DIS3L2: variants seen among roughly 807,000 people sequenced by gnomAD.
DIS3L2 encodes DIS3 like 3'-5' exoribonuclease 2, also known as DIS3-like exonuclease 2.
In DIS3L2, 34 loss-of-function variants were observed where a neutral mutation model predicts 97.5. The ratio of observed to expected loss-of-function variants is 0.35; its 90% CI spans 0.27 to 0.46. DIS3L2 has a LOEUF of 0.46. Among genes scored for constraint, DIS3L2 ranks in the 20% least tolerant of loss-of-function variants. DIS3L2 has a pLI of 1.00. For synonymous variants in DIS3L2, 435 were observed against 445.2 expected (o/e 0.98, Z 0.29); for missense variants, 1,038 against 1,146.0 (o/e 0.91, Z 1.36).
intron 5 of DIS3L2, among the ~76,000 whole-genome samples, chr2:232,070,201 G>T (rs532490880): frequency 6.6e-6 from 1 of 152,306 alleles, no homozygotes; most frequent in East Asian, 1.9e-4. Flanking sequence ...TAGGGGCGGA[G>T]GTTGCAGTGA....
Position 232,333,028 on chromosome 2 carries a change from T to C in DIS3L2, c.2011-812T>C, listed in dbSNP as rs576597982. ...AACAAAGACCCACAGGCTCCTTGGC[T>C]TCTGCTTGTGTCTCCAGCAGACAGC... On this transcript the variant is annotated intron_variant, in intron 16 of 20. Coordinates refer to ENST00000325385, the MANE Select transcript of DIS3L2 (RefSeq NM_152383.5). 2.5e-3 allele frequency among the ~76,000 whole-genome samples: 378 copies of C among 151,992 alleles called. 1 individual carries two copies. Among genetic ancestry groups the C allele is most frequent in the Non-Finnish European group, 4.4e-3 (298 of 67,952 alleles).
At chr2:232,012,137 T>C (rs11695423) in intron 1 of DIS3L2, among the ~76,000 whole-genome samples, 2,211 of 152,316 alleles carry the variant, frequency 0.015, 23 homozygotes, top group Non-Finnish European at 0.021. Flanking sequence ...AGTAGTTTCC[T>C]GGTATGACCC....
At chr2:232,185,867 G>C (rs1691416983) in intron 9 of DIS3L2, among the ~76,000 whole-genome samples, 2 of 138,210 alleles carry the variant, frequency 1.4e-5, no homozygotes, top group Admixed American at 1.4e-4. Context: ...AAAAAAAAAA[G>C]CACGATATGC....
intron 13 of DIS3L2, among the ~76,000 whole-genome samples, chr2:232,285,616 A>G (rs2106306036): frequency 6.6e-6 from 1 of 152,332 alleles, no homozygotes; most frequent in South Asian, 2.1e-4. Context: ...CCCAGTAGGA[A>G]ATGCCAAGAC....
At chr2:232,280,354 T>G (rs1268031800) in intron 13 of DIS3L2, among the ~76,000 whole-genome samples, 1 of 152,170 alleles carries the variant, frequency 6.6e-6, no homozygotes, top group African/African-American at 2.4e-5. Flanking sequence ...AAACTGAAGA[T>G]TGTATCATTT....
At chr2:232,081,952 G>C (rs980933634) in intron 5 of DIS3L2, among the ~76,000 whole-genome samples, 2 of 152,158 alleles carry the variant, frequency 1.3e-5, no homozygotes, top group African/African-American at 4.8e-5. Context: ...ACCATGCCTG[G>C]CTAATTTTTG....
intron 5 of DIS3L2, among the ~76,000 whole-genome samples, chr2:232,068,421 A>G (rs1307832130): frequency 6.6e-6 from 1 of 151,704 alleles, no homozygotes; most frequent in East Asian, 1.9e-4. Context: ...AAAAAAAAAA[A>G]AAAAAATACA....
chr2:232,037,012 TTGAGGAGGCAATC>T lies in DIS3L2; in HGVS notation c.366+6948_366+6960del, dbSNP rs1406278844. ...GGAGGCACAGGGGTCAGGGACCCAC[TTGAGGAGGCAATC>T]TGAGGAGGCAATCTGTCCCTTAGCA... On this transcript the variant is annotated intron_variant, in intron 5 of 20. Coordinates refer to ENST00000325385, the MANE Select transcript of DIS3L2 (RefSeq NM_152383.5). The surrounding 1 kb of genome is among the most constrained non-coding windows in gnomAD (Gnocchi z 4.6). 2.0e-5 allele frequency among the ~76,000 whole-genome samples: 3 copies of T among 152,182 alleles called. No homozygotes were observed. Among genetic ancestry groups the T allele is most frequent in the South Asian group, 2.1e-4 (1 of 4,828 alleles).
chr2:232,073,931 C>T (rs1282080218), intron 5 of DIS3L2, among the ~76,000 whole-genome samples: 1 of 152,180 alleles, frequency 6.6e-6, no homozygotes, highest in East Asian at 1.9e-4. Context: ...TGACAGATTG[C>T]TACTTCACAA....
At chr2:231,967,306 C>T (rs1032197106) in intron 1 of DIS3L2, among the ~76,000 whole-genome samples, 2 of 152,058 alleles carry the variant, frequency 1.3e-5, no homozygotes, top group African/African-American at 4.8e-5. Context: ...CTTTTTGGTC[C>T]TCCTCTAATG....
At chr2:231,998,258 G>A (rs1462201333) in intron 1 of DIS3L2, among the ~76,000 whole-genome samples, 2 of 152,168 alleles carry the variant, frequency 1.3e-5, no homozygotes, top group Non-Finnish European at 2.9e-5. Flanking sequence ...GCATCATCCT[G>A]TGGTGGGAAG....
At chr2:232,052,627 T>C (rs1705136817) in intron 5 of DIS3L2, among the ~76,000 whole-genome samples, 2 of 152,216 alleles carry the variant, frequency 1.3e-5, no homozygotes. Flanking sequence ...TGCAGCTGCA[T>C]GCTTACATTT....
chr2:232,130,916 G>A lies in DIS3L2; in HGVS notation c.702+197G>A, dbSNP rs1698199770. On this transcript the variant is annotated intron_variant, in intron 7 of 20. Transcript: ENST00000325385. ...AATCCATCTTCCTGCCTTTGGATAAGGGGTCAAGGCCTTTTCTTTGAGTGT... is the reference window on the plus strand; with the variant it reads ...AATCCATCTTCCTGCCTTTGGATAAAGGGTCAAGGCCTTTTCTTTGAGTGT... The A allele has an allele frequency of 6.7e-6, 5 of 749,578 alleles. No homozygotes were observed. The East Asian group carries it at 1.5e-4, about 23-fold the overall frequency. The allele number at this position is 749,578 out of a possible 1,614,324, so 46.4% of individuals were successfully genotyped here. A position where few individuals can be genotyped will look rare whatever the true frequency, so the allele number is the denominator to read the frequency against.
At chr2:232,203,676 G>A (rs1559731750) in intron 9 of DIS3L2, among the ~76,000 whole-genome samples, 1 of 152,222 alleles carries the variant, frequency 6.6e-6, no homozygotes, top group Non-Finnish European at 1.5e-5. Flanking sequence ...GATAAGACAT[G>A]TCCATAAGTG....
intron 9 of DIS3L2, among the ~76,000 whole-genome samples, chr2:232,185,661 C>T (rs1351922937): frequency 5.9e-5 from 9 of 151,996 alleles, no homozygotes; most frequent in Non-Finnish European, 1.3e-4. Context: ...ATGGTGAAAC[C>T]TCGTCTCTAC....
intron 5 of DIS3L2, among the ~76,000 whole-genome samples, chr2:232,064,673 A>AT (rs1269167379): frequency 3.9e-5 from 6 of 152,230 alleles, no homozygotes; most frequent in Non-Finnish European, 8.8e-5. Context: ...TATATGAGAG[A>AT]TTCAGTTTCT....
chr2:231,992,177 G>A lies in DIS3L2; in HGVS notation c.-93-22658G>A, dbSNP rs560579182. Among the ~76,000 whole-genome samples the A allele has an allele frequency of 4.6e-5, 7 of 152,292 alleles. No homozygotes were observed. The South Asian group carries it at 8.3e-4, about 18-fold the overall frequency. Reference sequence around the variant, plus strand: ...AAAACATGACCCACTTGGGATTGTGGAGAAGGCATCCCAAGAGCTGGAGAA... The same window carrying A: ...AAAACATGACCCACTTGGGATTGTGAAGAAGGCATCCCAAGAGCTGGAGAA... On this transcript the variant is annotated intron_variant, in intron 1 of 20. Transcript: ENST00000325385.
At chr2:232,171,706 T>C (rs940825360) in intron 9 of DIS3L2, among the ~76,000 whole-genome samples, 8 of 152,334 alleles carry the variant, frequency 5.3e-5, no homozygotes, top group African/African-American at 1.9e-4. Context: ...ATTCCTTTCA[T>C]GTAAATCCCA....
intron 13 of DIS3L2, among the ~76,000 whole-genome samples, chr2:232,280,299 G>A (rs1295775133): frequency 6.6e-6 from 1 of 152,170 alleles, no homozygotes; most frequent in Non-Finnish European, 1.5e-5. Context: ...CCGAGGGGTG[G>A]CTTTTAAACA....
Sources: gnomAD v4.1 joint callset for allele counts (sites outside exome capture counted in the v4.1 genomes callset) on GRCh38, gnomAD v4.1.1 for gene constraint, Gnocchi (gnomAD v3.1) non-coding constraint, MANE v1.5 for transcripts, NCBI Gene and HGNC (gene_info 2026-07-23, HGNC 2026-07-21) for gene names.